TMEM217B: variants seen among roughly 807,000 people sequenced by gnomAD.
The protein encoded by TMEM217B is transmembrane protein 217B.
the TMEM217B span, among the ~76,000 whole-genome samples, chr6:37,221,898 T>G: frequency 6.6e-6 from 1 of 152,200 alleles, no homozygotes; most frequent in Non-Finnish European, 1.5e-5. Context: ...GAGAAGGCCC[T>G]GGAGAGGGTT....
the TMEM217B span, among the ~76,000 whole-genome samples, chr6:37,235,405 G>A: frequency 4.0e-4 from 61 of 151,648 alleles, no homozygotes; most frequent in Admixed American, 2.2e-3. Flanking sequence ...TTGCTCTGTC[G>A]CCCAGGCTAG....
chr6:37,231,307 T>G, the TMEM217B span, among the ~76,000 whole-genome samples: 2 of 146,174 alleles, frequency 1.4e-5, no homozygotes, highest in African/African-American at 5.1e-5. Context: ...TGACCTCAAG[T>G]GATCCACCTG....
At chr6:37,253,920 C>G in the TMEM217B span, among the ~76,000 whole-genome samples, 1 of 152,206 alleles carries the variant, frequency 6.6e-6, no homozygotes, top group South Asian at 2.1e-4. Context: ...ACAGTCAACC[C>G]AGGCATATCT....
the TMEM217B span, chr6:37,257,537 C>A: frequency 4.1e-6 from 1 of 242,298 alleles, no homozygotes; most frequent in Non-Finnish European, 8.2e-6. Flanking sequence ...AAGATAATCC[C>A]CTCTTCCTTC....
At chr6:37,221,268 C>A in the TMEM217B span, among the ~76,000 whole-genome samples, 1 of 150,742 alleles carries the variant, frequency 6.6e-6, no homozygotes, top group Non-Finnish European at 1.5e-5. Flanking sequence ...CTCACTGTAA[C>A]CTCCATCTCC....
chr6:37,215,994 GGTGT>G, the TMEM217B span, among the ~76,000 whole-genome samples: 1,590 of 149,172 alleles, frequency 0.011, 16 homozygotes, highest in African/African-American at 0.028. Context: ...GGTTCTTCAG[GGTGT>G]GTGTGTGTGT....
chr6:37,217,873 C>A, the TMEM217B span: 1 of 985,802 alleles, frequency 1.0e-6, no homozygotes, highest in Non-Finnish European at 1.2e-6. Flanking sequence ...TCATCTTATT[C>A]CATTCATTTT....
the TMEM217B span, among the ~76,000 whole-genome samples, chr6:37,223,924 G>T: frequency 1.3e-5 from 2 of 148,674 alleles, no homozygotes; most frequent in African/African-American, 5.0e-5. Context: ...GCTCAACAGA[G>T]CCTCCTGCCT....
chr6:37,242,802 T>C, the TMEM217B span, among the ~76,000 whole-genome samples: 1 of 152,214 alleles, frequency 6.6e-6, no homozygotes, highest in South Asian at 2.1e-4. Context: ...TGTAATTCCT[T>C]TGGCCTTACT....
At chr6:37,216,473 A>G in the TMEM217B span, among the ~76,000 whole-genome samples, 5 of 152,144 alleles carry the variant, frequency 3.3e-5, no homozygotes, top group African/African-American at 1.2e-4. Context: ...TTGAGAGGCT[A>G]TGGAAGGAAA....
chr6:37,234,004 T>A, the TMEM217B span, among the ~76,000 whole-genome samples: 1 of 152,188 alleles, frequency 6.6e-6, no homozygotes, highest in South Asian at 2.1e-4. Context: ...TTTTATTAGA[T>A]GATTTTGCCC....
chr6:37,232,194 T>C, the TMEM217B span, among the ~76,000 whole-genome samples: 19 of 152,126 alleles, frequency 1.2e-4, no homozygotes, highest in African/African-American at 3.9e-4. Flanking sequence ...TTCCAAAAAA[T>C]AGAATTTTCC....
the TMEM217B span, among the ~76,000 whole-genome samples, chr6:37,233,612 T>C: frequency 6.6e-6 from 1 of 152,158 alleles, no homozygotes; most frequent in East Asian, 1.9e-4. Context: ...CTTACTACCA[T>C]CACACTGGGG....
At chr6:37,219,883 A>T in the TMEM217B span, among the ~76,000 whole-genome samples, 1 of 152,180 alleles carries the variant, frequency 6.6e-6, no homozygotes, top group Non-Finnish European at 1.5e-5. Context: ...TTGGGTGGAG[A>T]TGATAAAAAC....
chr6:37,221,955 G>C, the TMEM217B span, among the ~76,000 whole-genome samples: 1 of 152,164 alleles, frequency 6.6e-6, no homozygotes, highest in Admixed American at 6.5e-5. Context: ...AGGTCTCTGA[G>C]GCTCTCAGAA....
chr6:37,218,936 A>C, the TMEM217B span: 1 of 1,614,182 alleles, frequency 6.2e-7, no homozygotes, highest in South Asian at 1.1e-5. Context: ...CTTCTGTTCA[A>C]AGATGAGATA....
chr6:37,243,314 G>A, the TMEM217B span, among the ~76,000 whole-genome samples: 1 of 152,208 alleles, frequency 6.6e-6, no homozygotes, highest in Non-Finnish European at 1.5e-5. Flanking sequence ...TTTCTGTGCA[G>A]CTGAGTGTGG....
chr6:37,231,082 G>A, the TMEM217B span, among the ~76,000 whole-genome samples: 1 of 151,752 alleles, frequency 6.6e-6, no homozygotes. Flanking sequence ...TTCTTTTTGA[G>A]ATGGAGTCTT....
chr6:37,256,951 T>A, the TMEM217B span, among the ~76,000 whole-genome samples: 2 of 152,140 alleles, frequency 1.3e-5, no homozygotes, highest in Non-Finnish European at 2.9e-5. Flanking sequence ...AAAATTAGAT[T>A]GAAAATAAAT....
Sources: allele counts gnomAD v4.1 joint callset (sites outside exome capture counted in the v4.1 genomes callset), GRCh38; gene constraint gnomAD v4.1.1; transcripts MANE v1.5; gene names NCBI Gene and HGNC (gene_info 2026-07-23, HGNC 2026-07-21).